SNX5: variants seen among roughly 807,000 people sequenced by gnomAD.
SNX5 encodes sorting nexin 5.
SNX5 carries 31 observed loss-of-function variants against 53.9 expected under a neutral mutation model. The ratio of observed to expected loss-of-function variants is 0.58; its 90% CI spans 0.43 to 0.78. SNX5 has a LOEUF of 0.78. Among genes scored for constraint, SNX5 ranks in the 30% least tolerant of loss-of-function variants. The pLI, the probability that SNX5 is intolerant of heterozygous loss-of-function variation, is 0.00. For missense variants in SNX5, 471 were observed against 478.8 expected (o/e 0.98, Z 0.15); for synonymous variants, 168 against 171.1 (o/e 0.98, Z 0.14).
At position 17,950,329 on chromosome 20, in the gene SNX5, G is replaced by C; in HGVS notation, c.677C>G (p.Ser226Cys). Residue 226 changes from serine (S) to cysteine (C), a missense_variant, in exon 7 of 13, where the codon TCT (serine) becomes TGT (cysteine). Physicochemically the swap from Ser to Cys is moderately radical, Grantham distance 112 (BLOSUM62 -1). Transcript: ENST00000377759. Reference sequence around the variant, plus strand: ...GGTCATTTTGTCAGCTTTCACACAAGAATCTTTGATCCTATTGTAATAGTT... The same window carrying C: ...GGTCATTTTGTCAGCTTTCACACAACAATCTTTGATCCTATTGTAATAGTT... ...LINYYNRIKD[S>C]CVKADKMTRS... 2 of 1,613,516 alleles carry C rather than the reference G, an allele frequency of 1.2e-6. No homozygotes were observed. The highest frequency in any genetic ancestry group is 2.2e-5 in the South Asian group (2 of 91,042).
At chr20:17,946,429 T>G (rs1359642689) in intron 11 of SNX5, among the ~76,000 whole-genome samples, 1 of 152,202 alleles carries the variant, frequency 6.6e-6, no homozygotes, top group Non-Finnish European at 1.5e-5. Context: ...AAAGACGGGT[T>G]AGGCTGTTAC....
intron 1 of SNX5, among the ~76,000 whole-genome samples, chr20:17,959,032 A>G (rs184862253): frequency 1.3e-5 from 2 of 152,290 alleles, no homozygotes; most frequent in African/African-American, 4.8e-5. Context: ...AAACTGCCAC[A>G]TTTCCTAAGA....
chr20:17,953,018 A>G (rs1248104142), intron 4 of SNX5, among the ~76,000 whole-genome samples: 1 of 152,252 alleles, frequency 6.6e-6, no homozygotes, highest in Non-Finnish European at 1.5e-5. Context: ...CTTTAAAGCA[A>G]TGAGAACCCT....
chr20:17,943,081 T>G (rs751986808), intron 12 of SNX5, 29 bp downstream of exon 12: 1 of 1,422,742 alleles, frequency 7.0e-7, no homozygotes, highest in African/African-American at 1.4e-5. Flanking sequence ...CCATAAAAGA[T>G]GTTGGCTTCA....
Position 17,952,728 on chromosome 20 carries a change from C to CAT in SNX5, c.390-20_390-19dup. 1.2e-6 allele frequency: 2 copies of CAT among 1,610,042 alleles called. No individual in the cohort carries two copies. Among genetic ancestry groups the CAT allele is most frequent in the Non-Finnish European group, 1.7e-6 (2 of 1,178,130 alleles). ...GATACTCACTGAAAAGAGATGTGCA[C>CAT]ATGGCATTCAGTTGACACAGCTCAA... On this transcript the variant is annotated intron_variant, in intron 4 of 12. Transcript: ENST00000377759.
chr20:17,957,339 G>A (rs965271732), intron 1 of SNX5, among the ~76,000 whole-genome samples: 3 of 151,846 alleles, frequency 2.0e-5, no homozygotes, highest in Middle Eastern at 3.4e-3. Flanking sequence ...GGAGGCTGAG[G>A]CAGGAGAATG....
intron 1 of SNX5, chr20:17,962,588 T>C (rs1257676458): frequency 5.9e-6 from 2 of 341,146 alleles, no homozygotes; most frequent in African/African-American, 2.6e-5. Context: ...TATAATTTCT[T>C]AGTCCCCCAA....
intron 1 of SNX5, among the ~76,000 whole-genome samples, chr20:17,967,375 T>G (rs1468354397): frequency 6.6e-6 from 1 of 151,910 alleles, no homozygotes; most frequent in Admixed American, 6.6e-5. Flanking sequence ...AACACCCTCC[T>G]GTATAGAAAG....
chr20:17,951,348 G>T, intron 6 of SNX5, 152 bp downstream of exon 6: 1 of 609,582 alleles, frequency 1.6e-6, no homozygotes, highest in Non-Finnish European at 3.0e-6. Context: ...AGTGAAAATT[G>T]AATAAGTAGA....
intron 1 of SNX5, among the ~76,000 whole-genome samples, chr20:17,959,479 T>TC (rs976197512): frequency 4.9e-3 from 3 of 616 alleles, no homozygotes; most frequent in African/African-American, 0.019. Context: ...CTAGCAGCCA[T>TC]TTTGCCCAGA....
chr20:17,951,244 A>G (rs769001797), intron 6 of SNX5: 7 of 426,672 alleles, frequency 1.6e-5, no homozygotes, highest in Non-Finnish European at 3.0e-5. Flanking sequence ...TTAACTGAGT[A>G]ATCTCCCTCC....
Position 17,952,733 on chromosome 20 carries a change from C to T in SNX5, c.390-23G>A, listed in dbSNP as rs566744375. On this transcript the variant is annotated intron_variant, in intron 4 of 12. Coordinates refer to ENST00000377759, the MANE Select transcript of SNX5 (RefSeq NM_014426.4). ...TCACTGAAAAGAGATGTGCACATGG[C>T]ATTCAGTTGACACAGCTCAACTACC... 6.8e-6 allele frequency: 11 copies of T among 1,610,284 alleles called. 1 individual carries two copies. The South Asian group carries it at 1.2e-4, about 18-fold the overall frequency.
At chr20:17,954,766 C>T (rs971027868) in intron 3 of SNX5, among the ~76,000 whole-genome samples, 1 of 152,082 alleles carries the variant, frequency 6.6e-6, no homozygotes, top group Non-Finnish European at 1.5e-5. Flanking sequence ...GCTGGAGTGA[C>T]GTGGCACGGC....
chr20:17,955,307 A>C, intron 3 of SNX5, 58 bp downstream of exon 3: 3 of 1,253,208 alleles, frequency 2.4e-6, no homozygotes, highest in Non-Finnish European at 3.4e-6. Context: ...AGTCTCTTTT[A>C]AACTAATGCA....
chr20:17,963,737 TCAAAC>T (rs1363283541), intron 1 of SNX5, among the ~76,000 whole-genome samples: 4 of 152,180 alleles, frequency 2.6e-5, no homozygotes, highest in African/African-American at 9.6e-5. Flanking sequence ...CACTTCATGA[TCAAAC>T]CAAGATGCAC....
chr20:17,960,594 T>A (rs1568596270), intron 1 of SNX5, among the ~76,000 whole-genome samples: 1 of 147,640 alleles, frequency 6.8e-6, no homozygotes, highest in African/African-American at 2.5e-5. Flanking sequence ...AACTCCGTCT[T>A]AAAAAAACAA....
At chr20:17,954,917 G>C (rs1470881666) in intron 3 of SNX5, among the ~76,000 whole-genome samples, 1 of 152,090 alleles carries the variant, frequency 6.6e-6, no homozygotes, top group African/African-American at 2.4e-5. Flanking sequence ...TCATCATGTT[G>C]CCCAGGCACG....
chr20:17,947,931 T>C (rs1479190481), intron 10 of SNX5, among the ~76,000 whole-genome samples: 1 of 152,204 alleles, frequency 6.6e-6, no homozygotes, highest in Non-Finnish European at 1.5e-5. Flanking sequence ...ACTTTAAAAA[T>C]TAAATATTGT....
At chr20:17,951,192 G>C (rs1436143804) in intron 6 of SNX5, 1 of 278,568 alleles carries the variant, frequency 3.6e-6, no homozygotes. Flanking sequence ...GTGTAGTTCT[G>C]AGAGTGGGAT....
Sources: allele counts gnomAD v4.1 joint callset (sites outside exome capture counted in the v4.1 genomes callset), GRCh38; gene constraint gnomAD v4.1.1; transcripts MANE v1.5; gene names NCBI Gene and HGNC (gene_info 2026-07-23, HGNC 2026-07-21).